Variants in HPSE2 observed in about 807,000 individuals in gnomAD.
HPSE2 encodes the protein heparanase 2 (inactive), also known as inactive heparanase-2.
Under a neutral mutation model 60.5 loss-of-function variants are expected in HPSE2, and 38 were observed. The ratio of observed to expected loss-of-function variants is 0.63; its 90% CI spans 0.48 to 0.82. The LOEUF is 0.82. HPSE2 is among the 40% of genes least tolerant of loss of function. The pLI, the probability that HPSE2 is intolerant of heterozygous loss-of-function variation, is 0.00. For missense variants in HPSE2, 713 were observed against 740.4 expected, an observed-to-expected ratio of 0.96 and a Z score of 0.43; for synonymous variants, 295 against 293.2, an observed-to-expected ratio of 1.01 and a Z score of -0.06.
intron 11 of HPSE2, among the ~76,000 whole-genome samples, chr10:98,467,909 G>C (rs1244827668): frequency 2.0e-5 from 3 of 152,238 alleles, no homozygotes; most frequent in African/African-American, 7.2e-5. Context: ...TTCCCGGCCA[G>C]CGTGCAGAGA....
At chr10:98,972,511 G>A (rs891057264) in intron 3 of HPSE2, among the ~76,000 whole-genome samples, 3 of 152,004 alleles carry the variant, frequency 2.0e-5, no homozygotes, top group African/African-American at 4.8e-5. Context: ...TAACTTTATA[G>A]ACTTATTTTT....
intron 3 of HPSE2, among the ~76,000 whole-genome samples, chr10:99,113,739 A>T (rs1414111430): frequency 1.3e-5 from 2 of 152,212 alleles, no homozygotes; most frequent in Non-Finnish European, 2.9e-5. Flanking sequence ...TTTTAATAAC[A>T]GACTTTTTTA....
intron 9 of HPSE2, among the ~76,000 whole-genome samples, chr10:98,527,407 G>A (rs1275123062): frequency 6.6e-6 from 1 of 152,068 alleles, no homozygotes; most frequent in Non-Finnish European, 1.5e-5. Flanking sequence ...TTCCTACCAC[G>A]TGACTACTTT....
chr10:99,134,301 G>T (rs1845559811), intron 3 of HPSE2, among the ~76,000 whole-genome samples: 1 of 152,140 alleles, frequency 6.6e-6, no homozygotes, highest in African/African-American at 2.4e-5. Flanking sequence ...CACTCTTCGG[G>T]ATATTATCCA....
At chr10:98,949,706 A>G (rs1423522774) in intron 3 of HPSE2, among the ~76,000 whole-genome samples, 2 of 152,168 alleles carry the variant, frequency 1.3e-5, no homozygotes, top group Non-Finnish European at 2.9e-5. Context: ...GTCATGCCTA[A>G]TATAGAAGAT....
At chr10:98,618,593 G>A (rs1479205254) in intron 8 of HPSE2, among the ~76,000 whole-genome samples, 2 of 151,910 alleles carry the variant, frequency 1.3e-5, no homozygotes, top group African/African-American at 4.8e-5. Flanking sequence ...TATCTGGGGG[G>A]CATGGGGGAG....
the HPSE2 span, among the ~76,000 whole-genome samples, chr10:99,313,592 ATTTTTTTTTTTTT>A: frequency 9.3e-4 from 79 of 84,644 alleles, no homozygotes; most frequent in African/African-American, 3.8e-3. Flanking sequence ...ACTGACTCCA[ATTTTTTTTTTTTT>A]TTTTTTTTTT....
intron 9 of HPSE2, among the ~76,000 whole-genome samples, chr10:98,529,678 C>G (rs145355241): frequency 7.2e-4 from 110 of 152,242 alleles, no homozygotes; most frequent in African/African-American, 2.5e-3. Context: ...TTCCTCTTAG[C>G]CTTGTCTCGC....
chr10:99,247,946 T>G, the HPSE2 span, among the ~76,000 whole-genome samples: 16 of 152,210 alleles, frequency 1.1e-4, no homozygotes, highest in Non-Finnish European at 2.9e-5. Context: ...GATTGTAAGT[T>G]TCCTAAGGTT....
chr10:98,995,603 T>A (rs913514504), intron 3 of HPSE2, among the ~76,000 whole-genome samples: 1 of 152,116 alleles, frequency 6.6e-6, no homozygotes, highest in Non-Finnish European at 1.5e-5. Context: ...TACTTCCCCC[T>A]TAAGATAAAT....
At chr10:99,196,178 G>A (rs778469297) in intron 2 of HPSE2, among the ~76,000 whole-genome samples, 3 of 151,930 alleles carry the variant, frequency 2.0e-5, no homozygotes, top group Admixed American at 6.6e-5. Context: ...AACTAGGCCC[G>A]TATCTCTTAC....
chr10:99,117,061 C>G (rs570824040), intron 3 of HPSE2, among the ~76,000 whole-genome samples: 7 of 152,074 alleles, frequency 4.6e-5, no homozygotes, highest in Non-Finnish European at 1.0e-4. Flanking sequence ...ATACATACAA[C>G]ACAAACTTTA....
intron 2 of HPSE2, among the ~76,000 whole-genome samples, chr10:99,189,709 T>C (rs1848153201): frequency 6.6e-6 from 1 of 152,204 alleles, no homozygotes; most frequent in Non-Finnish European, 1.5e-5. Context: ...GTTGTTTTGT[T>C]TGCCTGTTTG....
chr10:99,078,610 T>C (rs897596357), intron 3 of HPSE2, among the ~76,000 whole-genome samples: 1 of 152,176 alleles, frequency 6.6e-6, no homozygotes, highest in Non-Finnish European at 1.5e-5. Flanking sequence ...AAAAATATTT[T>C]TGATCTGTCA....
At chr10:98,724,199 T>C (rs1421869034) in intron 4 of HPSE2, among the ~76,000 whole-genome samples, 2 of 152,172 alleles carry the variant, frequency 1.3e-5, no homozygotes, top group Non-Finnish European at 2.9e-5. Flanking sequence ...AACATCTTTA[T>C]TTCTGCCTTC....
chr10:99,028,017 A>T (rs1269338326), intron 3 of HPSE2, among the ~76,000 whole-genome samples: 1 of 152,214 alleles, frequency 6.6e-6, no homozygotes, highest in Non-Finnish European at 1.5e-5. Context: ...AATAAAAGCC[A>T]CATACACCAG....
At chr10:98,624,072 A>G (rs1007776633) in intron 7 of HPSE2, among the ~76,000 whole-genome samples, 2 of 152,196 alleles carry the variant, frequency 1.3e-5, no homozygotes, top group African/African-American at 4.8e-5. Flanking sequence ...AGCACCTACT[A>G]TATGCCAAGC....
At chr10:98,610,003 G>A (rs896212940) in intron 9 of HPSE2, among the ~76,000 whole-genome samples, 2 of 151,920 alleles carry the variant, frequency 1.3e-5, no homozygotes, top group African/African-American at 4.8e-5. Flanking sequence ...CACCATGCCT[G>A]GCTAGTTTTT....
intron 2 of HPSE2, among the ~76,000 whole-genome samples, chr10:99,219,609 T>A (rs186270712): frequency 2.0e-4 from 30 of 152,340 alleles, no homozygotes; most frequent in Admixed American, 6.5e-4. Flanking sequence ...AATGTATAAG[T>A]AATGAGTTCT....
Sources: gnomAD v4.1 joint callset for allele counts (sites outside exome capture counted in the v4.1 genomes callset) on GRCh38, gnomAD v4.1.1 for gene constraint, MANE v1.5 for transcripts, NCBI Gene and HGNC (gene_info 2026-07-23, HGNC 2026-07-21) for gene names.